Variants in MAPRE2 observed in about 807,000 individuals in gnomAD.
MAPRE2 encodes microtubule-associated protein RP/EB family member 2.
Under a neutral mutation model 43.2 loss-of-function variants are expected in MAPRE2, and 13 were observed. The ratio of observed to expected loss-of-function variants is 0.30; its 90% confidence interval spans 0.20 to 0.48. The LOEUF is 0.48. Ranked by LOEUF, MAPRE2 falls within the 20% of genes least tolerant of loss-of-function variation. The probability of loss-of-function intolerance (pLI) is 0.99; values close to 1 mark genes in which losing one functional copy is unlikely to be tolerated. For synonymous variants in MAPRE2, 135 were observed against 148.8 expected, an observed-to-expected ratio of 0.91 and a Z score of 0.68; for missense variants, 161 against 400.2, an observed-to-expected ratio of 0.40 and a Z score of 5.10.
Position 35,097,462 on chromosome 18 carries a change from A to G in MAPRE2, c.267A>G (p.Gln89=), listed in dbSNP as rs543332831. The G allele has an allele frequency of 7.3e-5, 118 of 1,613,836 alleles. No homozygotes were observed. Among genetic ancestry groups the G allele is most frequent in the South Asian group, 1.1e-4 (10 of 91,068 alleles). ...TCTTTCCAGGAGCGGCCTATTGCCA[A>G]TTCATGGACATGCTCTTCCCTGGCT... ...EQLCSGAAYC[Q]FMDMLFPGCI... Residue 89 remains glutamine (Q), a synonymous_variant, in exon 3 of 7, where the codon CAA becomes CAG. Transcript: ENST00000300249.
intron 2 of MAPRE2, among the ~76,000 whole-genome samples, chr18:35,079,562 C>T (rs1325231769): frequency 6.6e-6 from 1 of 152,188 alleles, no homozygotes; most frequent in East Asian, 1.9e-4. Context: ...CAGATTGCAG[C>T]TCCTGAACTT....
intron 2 of MAPRE2, among the ~76,000 whole-genome samples, chr18:35,077,487 G>A (rs774868711): frequency 6.6e-6 from 1 of 152,200 alleles, no homozygotes; most frequent in East Asian, 1.9e-4. Flanking sequence ...TGAATAGGTG[G>A]GTGGTTGTGA....
chr18:34,997,183 T>A (rs2097026926), intron 1 of MAPRE2, among the ~76,000 whole-genome samples: 1 of 152,216 alleles, frequency 6.6e-6, no homozygotes, highest in Non-Finnish European at 1.5e-5. Flanking sequence ...TAATGCCTGT[T>A]TGCTCCAATG....
chr18:35,041,842 C>T, intron 1 of MAPRE2, 181 bp downstream of exon 1: 1 of 1,411,528 alleles, frequency 7.1e-7, no homozygotes, highest in Non-Finnish European at 9.3e-7. Context: ...ATTGAGGCTC[C>T]GCGACTGCAG....
At chr18:35,120,354 C>G (rs1909618183) in intron 4 of MAPRE2, among the ~76,000 whole-genome samples, 1 of 152,202 alleles carries the variant, frequency 6.6e-6, no homozygotes, top group Non-Finnish European at 1.5e-5. Context: ...CTGGTCAGAA[C>G]AGAAGTCCTA....
At chr18:35,073,807 T>C (rs1296210595) in intron 2 of MAPRE2, among the ~76,000 whole-genome samples, 1 of 152,206 alleles carries the variant, frequency 6.6e-6, no homozygotes, top group Non-Finnish European at 1.5e-5. Flanking sequence ...TTATGTAACA[T>C]CTAATTTGTT....
At chr18:35,102,979 G>A (rs931081310) in intron 4 of MAPRE2, among the ~76,000 whole-genome samples, 1 of 152,012 alleles carries the variant, frequency 6.6e-6, no homozygotes, top group Non-Finnish European at 1.5e-5. Context: ...TCTTATTTGT[G>A]CCCAAACTAC....
intron 1 of MAPRE2, chr18:34,988,607 A>G (rs1000004091): frequency 2.6e-5 from 4 of 152,202 alleles, no homozygotes; most frequent in African/African-American, 9.7e-5. Flanking sequence ...GCAGTTGACT[A>G]TTATAGGATG....
rs1466970107 is a variant in MAPRE2, at chr18:35,132,134, G to A, written c.853G>A (p.Glu285Lys). 22 of 1,614,106 alleles carry A rather than the reference G, an allele frequency of 1.4e-5. No individual in the cohort carries two copies. The highest frequency in any genetic ancestry group is 1.8e-5 in the Non-Finnish European group (21 of 1,180,042). ...IELLCQEHGQ[E>K]NDDLVQRLMD... ...GCTACTCTGCCAAGAACACGGGCAG[G>A]AAAATGATGACCTCGTGCAGAGACT... Residue 285 changes from glutamate to lysine, a missense_variant, in exon 6 of 7, where the codon GAA becomes AAA. This residue lies in a region of MAPRE2 where 96 missense variants were observed against 153.3 expected (regional missense o/e 0.63). Coordinates refer to ENST00000300249, the MANE Select transcript of MAPRE2 (RefSeq NM_014268.4).
intron 5 of MAPRE2, among the ~76,000 whole-genome samples, chr18:35,130,923 CT>C (rs1389957459): frequency 6.6e-6 from 1 of 152,148 alleles, no homozygotes; most frequent in African/African-American, 2.4e-5. Context: ...TTCACTTGGA[CT>C]GTTCTGTAGC....
intron 1 of MAPRE2, among the ~76,000 whole-genome samples, chr18:34,982,246 A>G (rs1200136747): frequency 1.3e-5 from 2 of 152,180 alleles, no homozygotes; most frequent in Admixed American, 1.3e-4. Context: ...AGCCATCTTT[A>G]GCTTTTCATC....
chr18:34,979,620 A>G (rs1308153310), intron 1 of MAPRE2, among the ~76,000 whole-genome samples: 1 of 152,142 alleles, frequency 6.6e-6, no homozygotes, highest in African/African-American at 2.4e-5. Context: ...GGTTTGGGTT[A>G]TTTCAGTTAT....
chr18:35,103,291 AGTT>A (rs1458364898), intron 4 of MAPRE2, among the ~76,000 whole-genome samples: 2 of 152,066 alleles, frequency 1.3e-5, no homozygotes, highest in Non-Finnish European at 2.9e-5. Context: ...ACTCTGGGAG[AGTT>A]GTTAGGAGGC....
chr18:35,018,004 G>A (rs62095405), intron 2 of MAPRE2, among the ~76,000 whole-genome samples: 109 of 151,086 alleles, frequency 7.2e-4, no homozygotes, highest in Non-Finnish European at 1.3e-3. Flanking sequence ...TTCCTTGAAG[G>A]TTTTTATCAT....
At chr18:35,077,020 C>G (rs191355604) in intron 2 of MAPRE2, among the ~76,000 whole-genome samples, 22 of 152,102 alleles carry the variant, frequency 1.4e-4, no homozygotes, top group Non-Finnish European at 2.1e-4. Flanking sequence ...ATTAGAAAAA[C>G]AGGCTTAGGG....
At chr18:34,995,165 A>G (rs2097025847) in intron 1 of MAPRE2, among the ~76,000 whole-genome samples, 1 of 152,106 alleles carries the variant, frequency 6.6e-6, no homozygotes, top group African/African-American at 2.4e-5. Flanking sequence ...CCAAGAGAGG[A>G]ATGTTATTAT....
intron 2 of MAPRE2, among the ~76,000 whole-genome samples, chr18:35,028,601 T>C (rs1433346017): frequency 6.6e-6 from 1 of 152,202 alleles, no homozygotes; most frequent in Non-Finnish European, 1.5e-5. Context: ...GTCATAGGCC[T>C]ATCTCTGCAT....
intron 1 of MAPRE2, among the ~76,000 whole-genome samples, chr18:35,055,418 A>T (rs1343597246): frequency 6.6e-6 from 1 of 152,160 alleles, no homozygotes; most frequent in Non-Finnish European, 1.5e-5. Flanking sequence ...TGGAGGGCCC[A>T]CCTTAATCCA....
intron 4 of MAPRE2, among the ~76,000 whole-genome samples, chr18:35,121,029 A>G (rs1909644818): frequency 6.6e-6 from 1 of 152,228 alleles, no homozygotes; most frequent in African/African-American, 2.4e-5. Context: ...TGTCAACAGT[A>G]TTAATGTCAT....
Sources: allele counts gnomAD v4.1 joint callset (sites outside exome capture counted in the v4.1 genomes callset), GRCh38; gene constraint gnomAD v4.1.1; regional missense constraint gnomAD v4.1.1; transcripts MANE v1.5; gene names NCBI Gene and HGNC (gene_info 2026-07-23, HGNC 2026-07-21).